The following RBMS3 variants were observed in gnomAD, a reference collection of about 807,000 sequenced individuals.
RBMS3 encodes the protein RNA-binding motif, single-stranded-interacting protein 3.
RBMS3 carries 27 observed loss-of-function variants against 66.8 expected under a neutral mutation model. That is an observed-to-expected ratio of 0.40 (90% CI 0.30 to 0.56). The LOEUF (loss-of-function observed/expected upper bound fraction) is 0.56. RBMS3 is among the 20% of genes least tolerant of loss of function. RBMS3 has a pLI of 0.40. For missense variants in RBMS3, 513 were observed against 549.5 expected, an observed-to-expected ratio of 0.93 and a Z score of 0.66; for synonymous variants, 188 against 183.0, an observed-to-expected ratio of 1.03 and a Z score of -0.22.
chr3:29,722,452 A>G (rs1295476101), intron 4 of RBMS3, among the ~76,000 whole-genome samples: 1 of 152,176 alleles, frequency 6.6e-6, no homozygotes, highest in East Asian at 1.9e-4. Flanking sequence ...TGGAATAATC[A>G]ACATCAGGAA....
chr3:29,849,625 T>A (rs1316338796), intron 6 of RBMS3, among the ~76,000 whole-genome samples: 2 of 152,152 alleles, frequency 1.3e-5, no homozygotes, highest in African/African-American at 4.8e-5. Context: ...AAATTTAGAT[T>A]TTTATATGGT....
intron 3 of RBMS3, among the ~76,000 whole-genome samples, chr3:29,499,045 G>T (rs6778694): frequency 1.3e-5 from 2 of 152,032 alleles, no homozygotes; most frequent in African/African-American, 4.8e-5. Context: ...AAATTCCATC[G>T]CAGTGACAGG....
chr3:29,798,490 G>C (rs1484503130), intron 6 of RBMS3, among the ~76,000 whole-genome samples: 1 of 152,062 alleles, frequency 6.6e-6, no homozygotes, highest in African/African-American at 2.4e-5. Flanking sequence ...GCAGAAGGCT[G>C]TGTCAAAATT....
chr3:29,894,662 G>A (rs1559776584), intron 8 of RBMS3, among the ~76,000 whole-genome samples: 1 of 151,462 alleles, frequency 6.6e-6, no homozygotes, highest in Non-Finnish European at 1.5e-5. Context: ...GGTAAATTTA[G>A]GGGGTCACAA....
In RBMS3 at chr3:29,415,933, C is replaced by T. The variant is rs147859504; in HGVS notation, c.76-18810C>T. On this transcript the variant is annotated intron_variant, in intron 1 of 14. Coordinates refer to ENST00000383767, the MANE Select transcript of RBMS3 (RefSeq NM_001003793.3). ...TGGAAGTACCCTTCAGCATGTAGAG[C>T]CATCAGGAAAAGTGTCCAAAAAAGG... Among the ~76,000 whole-genome samples, 92 of 152,100 alleles carry T rather than the reference C, an allele frequency of 6.0e-4. 1 individual carries two copies. The East Asian group carries it at 0.016, about 27-fold the overall frequency.
chr3:29,298,974 G>A (rs1320629516), intron 1 of RBMS3, among the ~76,000 whole-genome samples: 2 of 151,824 alleles, frequency 1.3e-5, no homozygotes, highest in African/African-American at 4.8e-5. Flanking sequence ...TTGCCCCTCA[G>A]AAGTTGATAA....
rs558839351 is a variant in RBMS3, at chr3:29,444,788, C to CTTTTTTTTTTTTTTTTTTTTTT, written c.248+9876_248+9897dup. Among the ~76,000 whole-genome samples the CTTTTTTTTTTTTTTTTTTTTTT allele has an allele frequency of 3.6e-3, 182 of 50,494 alleles. 39 individuals are homozygous for CTTTTTTTTTTTTTTTTTTTTTT. The highest frequency in any genetic ancestry group is 8.4e-3 in the East Asian group (9 of 1,076). 33.1% of individuals were successfully genotyped at this position (50,494 alleles called of 152,430 possible). A position where few individuals can be genotyped will look rare whatever the true frequency, so the allele number is the denominator to read the frequency against. On this transcript the variant is annotated intron_variant, in intron 2 of 14. Coordinates refer to ENST00000383767, the MANE Select transcript of RBMS3 (RefSeq NM_001003793.3). ...AATTCTTTCAAGCGGAAATATATGC[C>CTTTTTTTTTTTTTTTTTTTTTT]TTTTTTTTTTTTTTTTTTTTTTTTG...
chr3:29,385,228 GACC>G (rs2038960920), intron 1 of RBMS3, among the ~76,000 whole-genome samples: 1 of 152,100 alleles, frequency 6.6e-6, no homozygotes. Context: ...ATGCTAAAGT[GACC>G]ACAGTTGTTT....
At chr3:29,896,913 T>C (rs1238022687) in intron 8 of RBMS3, among the ~76,000 whole-genome samples, 1 of 151,658 alleles carries the variant, frequency 6.6e-6, no homozygotes, top group East Asian at 1.9e-4. Flanking sequence ...ATGGAGAAAG[T>C]ATTTTCTGCA....
chr3:29,990,797 G>C (rs1698810004), intron 13 of RBMS3, among the ~76,000 whole-genome samples: 1 of 152,124 alleles, frequency 6.6e-6, no homozygotes. Flanking sequence ...GTGGATAAAT[G>C]TGCAAACCTG....
chr3:29,815,789 G>T (rs1244026596), intron 6 of RBMS3, among the ~76,000 whole-genome samples: 2 of 152,138 alleles, frequency 1.3e-5, no homozygotes, highest in East Asian at 3.9e-4. Context: ...CAAGGAGGGA[G>T]AAGGGTGGGA....
rs376272437 is a variant in RBMS3 at position 29,983,046 on chromosome 3, CT to C, written c.1099-5096del. ...GCTATTATGGTGTGGGAGTCTAAGT[CT>C]CTTTGTAGGTCTCTAAGAACTTGCT... On this transcript the variant is annotated intron_variant, in intron 12 of 14. Coordinates refer to ENST00000383767, the MANE Select transcript of RBMS3 (RefSeq NM_001003793.3). Among the ~76,000 whole-genome samples, 205 of 152,214 alleles carry C rather than the reference CT, an allele frequency of 1.3e-3. 1 individual carries two copies. Among genetic ancestry groups the C allele is most frequent in the African/African-American group, 4.7e-3 (195 of 41,534 alleles).
At chr3:29,382,228 A>C (rs1190557205) in intron 1 of RBMS3, among the ~76,000 whole-genome samples, 2 of 151,878 alleles carry the variant, frequency 1.3e-5, no homozygotes, top group African/African-American at 4.9e-5. Context: ...AAAAACAATG[A>C]AAATTTCATT....
intron 6 of RBMS3, among the ~76,000 whole-genome samples, chr3:29,819,419 G>A (rs1324881935): frequency 6.6e-6 from 1 of 152,152 alleles, no homozygotes; most frequent in Non-Finnish European, 1.5e-5. Context: ...TAACAGACCA[G>A]ATTTGGACCA....
intron 6 of RBMS3, among the ~76,000 whole-genome samples, chr3:29,803,274 T>C (rs1030684320): frequency 6.6e-6 from 1 of 152,182 alleles, no homozygotes; most frequent in African/African-American, 2.4e-5. Flanking sequence ...TAATGTATGA[T>C]AATAACCCGC....
chr3:29,663,261 G>GC (rs35306656), intron 4 of RBMS3, among the ~76,000 whole-genome samples: 30,986 of 152,062 alleles, frequency 0.2, 3,314 homozygotes, highest in East Asian at 0.32. Flanking sequence ...GACAGATAGT[G>GC]CTTTAATTTC....
intron 5 of RBMS3, among the ~76,000 whole-genome samples, chr3:29,760,620 T>C (rs1292695164): frequency 2.0e-5 from 3 of 151,018 alleles, no homozygotes; most frequent in Non-Finnish European, 4.4e-5. Context: ...AAGAACAGAG[T>C]TAGAATTCTT....
intron 6 of RBMS3, among the ~76,000 whole-genome samples, chr3:29,819,087 T>C (rs1235220671): frequency 4.6e-5 from 7 of 152,228 alleles, no homozygotes; most frequent in African/African-American, 7.2e-5. Context: ...TTTATTATGT[T>C]CTAGACTCAT....
chr3:29,951,162 A>G (rs1325494156), intron 12 of RBMS3, among the ~76,000 whole-genome samples: 1 of 151,900 alleles, frequency 6.6e-6, no homozygotes, highest in Non-Finnish European at 1.5e-5. Flanking sequence ...TTCCTTTATT[A>G]AAAAATAAAT....
Sources: gnomAD v4.1 joint callset for allele counts (sites outside exome capture counted in the v4.1 genomes callset) on GRCh38, gnomAD v4.1.1 for gene constraint, MANE v1.5 for transcripts, NCBI Gene and HGNC (gene_info 2026-07-23, HGNC 2026-07-21) for gene names.